DDN: variants seen among roughly 807,000 people sequenced by gnomAD.
DDN encodes dendrin.
Under a neutral mutation model 7.3 loss-of-function variants are expected in DDN, and 4 were observed. The observed-to-expected ratio is 0.55, with a 90% confidence interval of 0.27 to 1.25. The LOEUF (loss-of-function observed/expected upper bound fraction) is 1.25, where lower values mean the gene tolerates loss of function less well. DDN is among the 50% of genes most tolerant of loss of function. The pLI is 0.12. For missense variants in DDN, 933 were observed against 974.7 expected (o/e 0.96, Z 0.57); for synonymous variants, 425 against 424.3 (o/e 1.00, Z -0.02).
chr12:48,999,304 C>T lies in DDN; in HGVS notation c.-17G>A. The T allele has an allele frequency of 6.7e-7, 1 of 1,497,944 alleles. No individual in the cohort carries two copies. Among genetic ancestry groups the T allele is most frequent in the Non-Finnish European group, 8.9e-7 (1 of 1,119,866 alleles). 92.8% of individuals were successfully genotyped at this position (1,497,944 alleles called of 1,614,324 possible). On this transcript the variant is annotated 5_prime_UTR_variant, in exon 1 of 2. Coordinates refer to ENST00000421952, the MANE Select transcript of DDN (RefSeq NM_015086.2). ...ATCCAGCATCCTGCCCCACCCCACC[C>T]CGGCCCCCCACCCTCCCACCCGCCC...
In DDN at chr12:48,997,806, G is replaced by A. The variant is rs530036323; in HGVS notation, c.1070C>T (p.Ala357Val). The A allele has an allele frequency of 1.2e-6, 2 of 1,613,782 alleles. No homozygotes were observed. Among genetic ancestry groups the A allele is most frequent in the East Asian group, 2.2e-5 (1 of 44,862 alleles). ...PAGSATAAPC[A>V]PHPAPRSRHH... ...CCTGGATCTGGGAGCGGGATGCGGGGCACAGGGAGCCGCAGTTGCAGACCC... is the reference window on the plus strand; with the variant it reads ...CCTGGATCTGGGAGCGGGATGCGGGACACAGGGAGCCGCAGTTGCAGACCC... Residue 357 changes from alanine to valine, a missense_variant, in exon 2 of 2, where the codon GCC becomes GTC. Transcript: ENST00000421952.
In DDN at chr12:48,995,290, T is replaced by G. The variant is rs1423052001; in HGVS notation, c.*1450A>C. ...ACCCCCATTTGACAGATGAGGAAAC[T>G]GAGGCTCAGGGAGGTGAAGTGATGT... On this transcript the variant is annotated 3_prime_UTR_variant, in exon 2 of 2. Transcript: ENST00000421952. 1 of 154,674 alleles carries G rather than the reference T, an allele frequency of 6.5e-6. No homozygotes were observed. The highest frequency in any genetic ancestry group is 1.4e-5 in the Non-Finnish European group (1 of 70,194). 9.6% of individuals were successfully genotyped at this position (154,674 alleles called of 1,614,324 possible).
At position 48,998,392 on chromosome 12, in the gene DDN, G is replaced by C. The variant is rs768481050; in HGVS notation, c.484C>G (p.Pro162Ala). 1.3e-6 allele frequency: 2 copies of C among 1,496,016 alleles called. No homozygotes were observed. The highest frequency in any genetic ancestry group is 1.5e-5 in the African/African-American group (1 of 68,760). The allele number at this position is 1,496,016 out of a possible 1,614,324, so 92.7% of individuals were successfully genotyped here. ...GGCGCCAGGCGCTCCGGCCGCAAGG[G>C]AGCAGGGAGCCCTGCCAGCTGGGCC... ...RVAQLAGLPAPLRPERLAPVG... is the reference protein window; with the variant it reads ...RVAQLAGLPAALRPERLAPVG... The change falls in exon 2 of 2, where the codon CCC becomes GCC. Residue 162 changes from proline to alanine, a missense_variant. Transcript: ENST00000421952.
At position 48,997,385 on chromosome 12, in the gene DDN, C is replaced by G. The variant is rs373182785; in HGVS notation, c.1491G>C (p.Lys497Asn). 2 of 1,613,914 alleles carry G rather than the reference C, an allele frequency of 1.2e-6. No individual in the cohort carries two copies. Among genetic ancestry groups the G allele is most frequent in the East Asian group, 4.5e-5 (2 of 44,878 alleles). ...AGACCGTGGCCCCTTCACCCTCCTC[C>G]TTGCCGGGCTTCGATTGGCTGGGGG... is the stretch of plus-strand genomic sequence containing the variant. ...GDSPSQSKPG[K>N]EEGEGATVFP... The change falls in exon 2 of 2, where the codon AAG (lysine) becomes AAC (asparagine). Residue 497 changes from lysine to asparagine, a missense_variant. Physicochemically the swap from Lys to Asn is moderately conservative, Grantham distance 94. Coordinates refer to ENST00000421952, the MANE Select transcript of DDN (RefSeq NM_015086.2).
rs748962876 is a variant in DDN, at chr12:48,998,500, C to T, written c.376G>A (p.Glu126Lys). ...ASQEREAKET[E>K]RKRRKAGGAR... ...CCACCAGCCTTGCGCCTTTTTCGCTCGGTCTCCTTGGCCTCCCGCTCCTGC... is the reference window on the plus strand; with the variant it reads ...CCACCAGCCTTGCGCCTTTTTCGCTTGGTCTCCTTGGCCTCCCGCTCCTGC... Residue 126 changes from glutamate (E) to lysine (K), a missense_variant, in exon 2 of 2, where the codon GAG becomes AAG. Transcript: ENST00000421952. 1.3e-6 allele frequency: 2 copies of T among 1,587,146 alleles called. No individual in the cohort carries two copies. The highest frequency in any genetic ancestry group is 1.4e-5 in the African/African-American group (1 of 73,320).
At position 48,997,118 on chromosome 12, in the gene DDN, C is replaced by G. The variant is rs762299549; in HGVS notation, c.1758G>C (p.Gly586=). The G allele has an allele frequency of 2.6e-6, 4 of 1,526,144 alleles. No individual in the cohort carries two copies. The highest frequency in any genetic ancestry group is 3.5e-6 in the Non-Finnish European group (4 of 1,143,338). The allele number at this position is 1,526,144 out of a possible 1,614,324, so 94.5% of individuals were successfully genotyped here. The change falls in exon 2 of 2, where the codon GGG becomes GGC. Residue 586 remains glycine (G), a synonymous_variant. Transcript: ENST00000421952. ...AASGAQGRAE[G]SEVAVVQRRA... ...GCCGCTGGACCACCGCCACTTCCGACCCCTCGGCTCTGCCCTGGGCTCCCG... is the reference window on the plus strand; with the variant it reads ...GCCGCTGGACCACCGCCACTTCCGAGCCCTCGGCTCTGCCCTGGGCTCCCG...
chr12:48,997,793 AGC>A lies in DDN; in HGVS notation c.1081_1082del (p.Ala361SerfsTer30). 1 of 1,612,060 alleles carries A rather than the reference AGC, an allele frequency of 6.2e-7. No homozygotes were observed. On this transcript the variant is annotated frameshift_variant, in exon 2 of 2. Coordinates refer to ENST00000421952, the MANE Select transcript of DDN (RefSeq NM_015086.2). LOFTEE classifies it low-confidence loss of function (END_TRUNC). ...CCTTGAGGTGGTGCCTGGATCTGGG[AGC>A]GGGATGCGGGGCACAGGGAGCCGCA... is the stretch of plus-strand genomic sequence containing the variant. ...ATAAPCAPHP[A>X]PRSRHHLKGS...
chr12:48,997,246 G>T lies in DDN; in HGVS notation c.1630C>A (p.Arg544Ser). ...GGGAGCCCCAAGATGCGGAAAGTGCGCTCCTCCAGTGTGGAGTCCCCCGGC... is the reference window on the plus strand; with the variant it reads ...GGGAGCCCCAAGATGCGGAAAGTGCTCTCCTCCAGTGTGGAGTCCCCCGGC... ...GRPGDSTLEE[R>S]TFRILGLPAP... Residue 544 changes from arginine (R) to serine (S), a missense_variant, in exon 2 of 2, where the codon CGC (arginine) becomes AGC (serine). Transcript: ENST00000421952. The T allele has an allele frequency of 6.3e-7, 1 of 1,599,710 alleles. No individual in the cohort carries two copies. The highest frequency in any genetic ancestry group is 8.5e-7 in the Non-Finnish European group (1 of 1,172,970).
At position 48,999,319 on chromosome 12, in the gene DDN, C is replaced by T. The variant is rs1273082475; in HGVS notation, c.-32G>A. ...CCACCCCACCCCGGCCCCCCACCCTCCCACCCGCCCCAGGAGCCCCCTCCC... is the reference window on the plus strand; with the variant it reads ...CCACCCCACCCCGGCCCCCCACCCTTCCACCCGCCCCAGGAGCCCCCTCCC... On this transcript the variant is annotated 5_prime_UTR_variant, in exon 1 of 2. Transcript: ENST00000421952. 6.7e-7 allele frequency: 1 copy of T among 1,496,096 alleles called. No individual in the cohort carries two copies. Among genetic ancestry groups the T allele is most frequent in the East Asian group, 2.5e-5 (1 of 40,084 alleles). 92.7% of individuals were successfully genotyped at this position (1,496,096 alleles called of 1,614,324 possible). A position where few individuals can be genotyped will look rare whatever the true frequency, so the allele number is the denominator to read the frequency against.
Position 48,998,039 on chromosome 12 carries a change from C to G in DDN, c.837G>C (p.Arg279=), listed in dbSNP as rs770042293. The change falls in exon 2 of 2, where the codon CGG becomes CGC. Residue 279 remains arginine, a synonymous_variant. Coordinates refer to ENST00000421952, the MANE Select transcript of DDN (RefSeq NM_015086.2). ...GGAGACCCCAAGCCCCGAGGACGTC[C>G]CGGTAGATCCGAGGATCCAGCCTCT... The part of the protein sequence containing the change: ...TKKRLDPRIY[R]DVLGAWGLRQ... 2 of 1,613,884 alleles carry G rather than the reference C, an allele frequency of 1.2e-6. No individual in the cohort carries two copies. The highest frequency in any genetic ancestry group is 2.2e-5 in the South Asian group (2 of 91,082).
chr12:48,998,694 A>G, intron 1 of DDN, 28 bp from the exon 2 acceptor site: 1 of 1,465,942 alleles, frequency 6.8e-7, no homozygotes, highest in Non-Finnish European at 8.9e-7. Flanking sequence ...AACCCAGGTG[A>G]GCAGTTTGTG....
rs1161490871 is a variant in DDN at position 48,998,349 on chromosome 12, C to T, written c.527G>A (p.Arg176His). Residue 176 changes from arginine to histidine, a missense_variant, in exon 2 of 2, where the codon CGT becomes CAT. Physicochemically the swap from Arg to His is conservative, Grantham distance 29. Transcript: ENST00000421952. The stretch of plus-strand genomic sequence containing the variant: ...GTCGCTCTGCGGCTGCGCGGATGGA[C>T]GGGGCGCTCGCCCCACAGGCGCCAG... ...ERLAPVGRAP[R>H]PSAQPQSDPG... 2 of 1,514,956 alleles carry T rather than the reference C, an allele frequency of 1.3e-6. No individual in the cohort carries two copies. The highest frequency in any genetic ancestry group is 1.8e-6 in the Non-Finnish European group (2 of 1,139,048). The allele number at this position is 1,514,956 out of a possible 1,614,324, so 93.8% of individuals were successfully genotyped here. A position where few individuals can be genotyped will look rare whatever the true frequency, so the allele number is the denominator to read the frequency against.
Position 48,998,442 on chromosome 12 carries a change from G to C in DDN, c.434C>G (p.Pro145Arg), listed in dbSNP as rs758615415. 6 of 1,531,408 alleles carry C rather than the reference G, an allele frequency of 3.9e-6. No individual in the cohort carries two copies. Among genetic ancestry groups the C allele is most frequent in the Middle Eastern group, 1.8e-4 (1 of 5,528 alleles). The allele number at this position is 1,531,408 out of a possible 1,614,324, so 94.9% of individuals were successfully genotyped here. A position where few individuals can be genotyped will look rare whatever the true frequency, so the allele number is the denominator to read the frequency against. The change falls in exon 2 of 2, where the codon CCG becomes CGG. Residue 145 changes from proline (P) to arginine (R), a missense_variant. Transcript: ENST00000421952. ...CACCCGAGGGGCGTTGCGGGGCTCCGGGCGGGGTCGACCCGGGGGGCTCCG... is the reference window on the plus strand; with the variant it reads ...CACCCGAGGGGCGTTGCGGGGCTCCCGGCGGGGTCGACCCGGGGGGCTCCG... ...ARRSPPGRPR[P>R]EPRNAPRVAQ... is the part of the protein sequence containing the mutation.
Position 48,997,141 on chromosome 12 carries a change from C to T in DDN, c.1735G>A (p.Gly579Arg), listed in dbSNP as rs11834471. The T allele has an allele frequency of 1.3e-6, 2 of 1,530,120 alleles. No homozygotes were observed. The highest frequency in any genetic ancestry group is 2.8e-5 in the African/African-American group (2 of 72,066). The allele number at this position is 1,530,120 out of a possible 1,614,324, so 94.8% of individuals were successfully genotyped here. A position where few individuals can be genotyped will look rare whatever the true frequency, so the allele number is the denominator to read the frequency against. Reference sequence around the variant, plus strand: ...GACCCCTCGGCTCTGCCCTGGGCTCCCGAAGCTGCTGGGCCTAAGGCTTGG... The same window carrying T: ...GACCCCTCGGCTCTGCCCTGGGCTCTCGAAGCTGCTGGGCCTAAGGCTTGG... ...EHQALGPAAS[G>R]AQGRAEGSEV... is the part of the protein sequence containing the mutation. Residue 579 changes from glycine (G) to arginine (R), a missense_variant, in exon 2 of 2, where the codon GGA becomes AGA. By Grantham distance (125) the Gly-to-Arg change is moderately radical. Transcript: ENST00000421952.
chr12:48,998,945 C>A, intron 1 of DDN, 134 bp downstream of exon 1: 2 of 1,096,744 alleles, frequency 1.8e-6, no homozygotes, highest in Non-Finnish European at 1.3e-6. Flanking sequence ...CAGGCCCCAG[C>A]CCTCGGGAGC....
In DDN at chr12:48,996,894, T is replaced by G. The variant is rs10783299; in HGVS notation, c.1982A>C (p.Glu661Ala). The G allele has an allele frequency of 1.2e-6, 2 of 1,613,072 alleles. No homozygotes were observed. Among genetic ancestry groups the G allele is most frequent in the Non-Finnish European group, 1.7e-6 (2 of 1,179,516 alleles). Residue 661 changes from glutamate to alanine, a missense_variant, in exon 2 of 2, where the codon GAG becomes GCG. Physicochemically the swap from Glu to Ala is moderately radical, Grantham distance 107. Transcript: ENST00000421952. Reference protein sequence around the residue: ...ASWRNERTLPEVGNSSPEEDG... With the variant: ...ASWRNERTLPAVGNSSPEEDG... ...TTCCTCTGGCGAACTGTTTCCAACC[T>G]CGGGCAGGGTCCTCTCATTCCGCCA...
At chr12:48,998,760 C>A in intron 1 of DDN, 94 bp from the exon 2 acceptor site, 3 of 1,383,198 alleles carry the variant, frequency 2.2e-6, no homozygotes, top group Non-Finnish European at 2.8e-6. Flanking sequence ...CTTGGGGCAG[C>A]CATGTGAAGG....
chr12:48,997,581 G>A lies in DDN; in HGVS notation c.1295C>T (p.Ala432Val), dbSNP rs1269058438. The change falls in exon 2 of 2, where the codon GCG (alanine) becomes GTG (valine). Residue 432 changes from alanine (A) to valine (V), a missense_variant. Coordinates refer to ENST00000421952, the MANE Select transcript of DDN (RefSeq NM_015086.2). ...AGPETLEGWK[A>V]TRRAHTLPRS... ...GGGCAAGGTGTGGGCACGGCGGGTC[G>A]CCTTCCAACCCTCCAGGGTCTCCGG... is the stretch of plus-strand genomic sequence containing the variant. The A allele has an allele frequency of 1.3e-6, 2 of 1,583,222 alleles. No individual in the cohort carries two copies. Among genetic ancestry groups the A allele is most frequent in the African/African-American group, 2.7e-5 (2 of 74,184 alleles).
rs1941190704 is a variant in DDN at position 48,995,499 on chromosome 12, ACTGCAAGGCGGGGGAC to A, written c.*1225_*1240del. ...TGCTCCCGGCCCCGCACGGCTGGAG[ACTGCAAGGCGGGGGAC>A]CCGCGCTCGGGAACTAGGGATAGGA... is the stretch of plus-strand genomic sequence containing the variant. On this transcript the variant is annotated 3_prime_UTR_variant, in exon 2 of 2. Coordinates refer to ENST00000421952, the MANE Select transcript of DDN (RefSeq NM_015086.2). 1 of 152,304 alleles carries A rather than the reference ACTGCAAGGCGGGGGAC, an allele frequency of 6.6e-6. No individual in the cohort carries two copies. Among genetic ancestry groups the A allele is most frequent in the Non-Finnish European group, 1.5e-5 (1 of 68,114 alleles). The allele number at this position is 152,304 out of a possible 1,614,324, so 9.4% of individuals were successfully genotyped here. A position where few individuals can be genotyped will look rare whatever the true frequency, so the allele number is the denominator to read the frequency against.
Sources: allele counts gnomAD v4.1 joint callset, GRCh38; gene constraint gnomAD v4.1.1; transcripts MANE v1.5; gene names NCBI Gene and HGNC (gene_info 2026-07-23, HGNC 2026-07-21).